USP3: variants seen among roughly 807,000 people sequenced by gnomAD.
USP3 encodes ubiquitin carboxyl-terminal hydrolase 3.
A neutral mutation model predicts 72.3 loss-of-function variants in USP3; 20 were observed. That is an observed-to-expected ratio of 0.28 (90% confidence interval 0.19 to 0.40). The LOEUF (loss-of-function observed/expected upper bound fraction) is 0.40. Ranked by LOEUF, USP3 falls within the 10% of genes least tolerant of loss-of-function variation. The pLI, the probability that USP3 is intolerant of heterozygous loss-of-function variation, is 1.00. For synonymous variants in USP3, 222 were observed against 225.3 expected, an observed-to-expected ratio of 0.99 and a Z score of 0.13; for missense variants, 479 against 633.9, an observed-to-expected ratio of 0.76 and a Z score of 2.62.
rs1293427964 is a variant in USP3, at chr15:63,581,418, C to G, written c.1097-6887C>G. The stretch of plus-strand genomic sequence containing the variant: ...GTGTGTGTTTAGATGGAGTCTTGCT[C>G]TGTTGCCCAGGCTAGAGTGCAGCGG... On this transcript the variant is annotated intron_variant, in intron 11 of 14. Transcript: ENST00000380324. Among the ~76,000 whole-genome samples, 5 of 147,880 alleles carry G rather than the reference C, an allele frequency of 3.4e-5. No individual in the cohort carries two copies. The East Asian group carries it at 8.0e-4, about 24-fold the overall frequency.
intron 11 of USP3, among the ~76,000 whole-genome samples, chr15:63,581,088 G>C (rs761308448): frequency 6.6e-6 from 1 of 152,076 alleles, no homozygotes; most frequent in Non-Finnish European, 1.5e-5. Flanking sequence ...TGACAGGCGT[G>C]AGCCACCGTG....
chr15:63,577,613 A>G (rs2066884406), intron 11 of USP3, among the ~76,000 whole-genome samples: 1 of 152,166 alleles, frequency 6.6e-6, no homozygotes, highest in African/African-American at 2.4e-5. Flanking sequence ...TTAGCTGGGC[A>G]TGGTGGGGAG....
intron 1 of USP3, among the ~76,000 whole-genome samples, chr15:63,507,412 T>A (rs2065727908): frequency 6.6e-6 from 1 of 152,222 alleles, no homozygotes; most frequent in Non-Finnish European, 1.5e-5. Context: ...GGGTAATACT[T>A]TGCATTTACT....
intron 9 of USP3, among the ~76,000 whole-genome samples, chr15:63,571,558 A>G (rs2066779233): frequency 6.6e-6 from 1 of 152,216 alleles, no homozygotes; most frequent in African/African-American, 2.4e-5. Context: ...TGCTAGCACC[A>G]AATTAAAAAG....
intron 8 of USP3, among the ~76,000 whole-genome samples, chr15:63,564,456 A>G (rs2066656493): frequency 6.6e-6 from 1 of 152,174 alleles, no homozygotes; most frequent in African/African-American, 2.4e-5. Context: ...AACTAATTTG[A>G]TACTGTTTTC....
rs2067220585 is a variant in USP3 at position 63,592,413 on chromosome 15, T to C, written c.*1587T>C. Reference sequence around the variant, plus strand: ...TACCAATTCTCCACAAGGGACAAAATGTATCTTGTGTTAAGCCAACGAGAC... The same window carrying C: ...TACCAATTCTCCACAAGGGACAAAACGTATCTTGTGTTAAGCCAACGAGAC... On this transcript the variant is annotated 3_prime_UTR_variant, in exon 15 of 15. Transcript: ENST00000380324. The C allele has an allele frequency of 1.3e-5, 2 of 150,120 alleles. No homozygotes were observed. Among genetic ancestry groups the C allele is most frequent in the South Asian group, 2.1e-4 (1 of 4,700 alleles). The allele number at this position is 150,120 out of a possible 1,614,324, so 9.3% of individuals were successfully genotyped here.
chr15:63,539,711 A>C (rs2066215291), intron 3 of USP3, among the ~76,000 whole-genome samples: 2 of 152,214 alleles, frequency 1.3e-5, no homozygotes, highest in South Asian at 2.1e-4. Flanking sequence ...TTTTGTGTGA[A>C]GTTGTACAGA....
At position 63,553,601 on chromosome 15, in the gene USP3, G is replaced by A. The variant is rs2066466076; in HGVS notation, c.285-114G>A. 7.3e-6 allele frequency: 6 copies of A among 826,564 alleles called. No homozygotes were observed. Among genetic ancestry groups the A allele is most frequent in the Admixed American group, 7.2e-5 (2 of 27,684 alleles). 51.2% of individuals were successfully genotyped at this position (826,564 alleles called of 1,614,324 possible). On this transcript the variant is annotated intron_variant, in intron 3 of 14. Coordinates refer to ENST00000380324, the MANE Select transcript of USP3 (RefSeq NM_006537.4). The surrounding 1 kb of genome is among the most constrained non-coding windows in gnomAD (Gnocchi z 4.2). ...GTCCTCTTTAAACTTACCACCAGCA[G>A]TAACTGCCTGCAGAGCCATGTGATC...
intron 3 of USP3, among the ~76,000 whole-genome samples, chr15:63,548,334 T>C (rs955238777): frequency 1.3e-5 from 2 of 150,926 alleles, no homozygotes; most frequent in African/African-American, 4.9e-5. Context: ...TGCTTTGTTT[T>C]TTTTGGGGGG....
rs1002011927 is a variant in USP3, at chr15:63,543,362, G to A, written c.284+6206G>A. Among the ~76,000 whole-genome samples, 7 of 152,182 alleles carry A rather than the reference G, an allele frequency of 4.6e-5. No individual in the cohort carries two copies. In the East Asian group the frequency reaches 1.3e-3, roughly 29 times the overall value. On this transcript the variant is annotated intron_variant, in intron 3 of 14. Coordinates refer to ENST00000380324, the MANE Select transcript of USP3 (RefSeq NM_006537.4). ...TTTTGAGAAGCTACTATGTGCTAGG[G>A]ACCTAGTTTTTAGTGCAGTGGTCTC...
intron 11 of USP3, among the ~76,000 whole-genome samples, chr15:63,581,550 A>ATTTTTTTTTT (rs56376454): frequency 7.4e-5 from 8 of 107,500 alleles, no homozygotes; most frequent in East Asian, 6.9e-4. Flanking sequence ...CACCCGGCTA[A>ATTTTTTTTTT]TTTTTTTTTT....
intron 1 of USP3, among the ~76,000 whole-genome samples, chr15:63,523,383 G>A (rs768629004): frequency 1.3e-5 from 2 of 152,174 alleles, no homozygotes; most frequent in African/African-American, 4.8e-5. Flanking sequence ...TAAAATAGTA[G>A]AGCTACAACT....
At chr15:63,550,539 C>A (rs749484043) in intron 3 of USP3, among the ~76,000 whole-genome samples, 11 of 152,158 alleles carry the variant, frequency 7.2e-5, no homozygotes, top group Non-Finnish European at 1.2e-4. Context: ...AAATTTAAGG[C>A]TGCAAATAGA....
chr15:63,513,241 A>G (rs544086365), intron 1 of USP3, among the ~76,000 whole-genome samples: 1 of 152,240 alleles, frequency 6.6e-6, no homozygotes, highest in Admixed American at 6.5e-5. Context: ...GTACTGCCTC[A>G]TCACCAGAAA....
intron 8 of USP3, among the ~76,000 whole-genome samples, chr15:63,563,396 G>A (rs1264784496): frequency 6.6e-6 from 1 of 152,190 alleles, no homozygotes; most frequent in African/African-American, 2.4e-5. Flanking sequence ...GAAGTGCATG[G>A]TATTATATGA....
chr15:63,544,467 GT>G lies in USP3; in HGVS notation c.284+7312del, dbSNP rs1297433778. ...ATCCAAAGTTATTGTTTTGACTTTA[GT>G]AGACTAGTGTTTTGTCTTTTAGAAT... On this transcript the variant is annotated intron_variant, in intron 3 of 14. Transcript: ENST00000380324. The surrounding 1 kb of genome is among the most constrained non-coding windows in gnomAD (Gnocchi z 4.2). 3.9e-6 allele frequency: 2 copies of G among 511,424 alleles called. No individual in the cohort carries two copies. The highest frequency in any genetic ancestry group is 3.9e-5 in the African/African-American group (2 of 51,634). The allele number at this position is 511,424 out of a possible 1,614,324, so 31.7% of individuals were successfully genotyped here. A position where few individuals can be genotyped will look rare whatever the true frequency, so the allele number is the denominator to read the frequency against.
chr15:63,530,556 G>A (rs1489945334), intron 1 of USP3: 1 of 397,220 alleles, frequency 2.5e-6, no homozygotes, highest in Non-Finnish European at 4.9e-6. Context: ...CAAGCAATCT[G>A]CCTGCCTCGG....
intron 1 of USP3, among the ~76,000 whole-genome samples, chr15:63,524,700 A>T (rs2065957989): frequency 6.6e-6 from 1 of 151,992 alleles, no homozygotes; most frequent in Admixed American, 6.6e-5. Flanking sequence ...CTCCCTGCAC[A>T]TGGTTTGGGC....
At chr15:63,521,840 G>A (rs1167103709) in intron 1 of USP3, among the ~76,000 whole-genome samples, 1 of 152,214 alleles carries the variant, frequency 6.6e-6, no homozygotes. Context: ...AAGGATTTCA[G>A]CATCTGTTTT....
Sources: allele counts gnomAD v4.1 joint callset (sites outside exome capture counted in the v4.1 genomes callset), GRCh38; gene constraint gnomAD v4.1.1; non-coding constraint Gnocchi (gnomAD v3.1); transcripts MANE v1.5; gene names NCBI Gene and HGNC (gene_info 2026-07-23, HGNC 2026-07-21).